Variants in DNMT3A observed in about 807,000 individuals in gnomAD.
The protein encoded by DNMT3A is DNA (cytosine-5)-methyltransferase 3A.
A neutral mutation model predicts 117.6 loss-of-function variants in DNMT3A; 267 were observed. The ratio of observed to expected loss-of-function variants is 2.27; its 90% CI spans 2.05 to 2.51. The LOEUF (loss-of-function observed/expected upper bound fraction) is 2.51, where lower values mean the gene tolerates loss of function less well. Among genes scored for constraint, DNMT3A ranks in the 30% most tolerant of loss-of-function variants. The probability of loss-of-function intolerance (pLI) is 0.00; values close to 1 mark genes in which losing one functional copy is unlikely to be tolerated. For missense variants in DNMT3A, 1,029 were observed against 1,260.2 expected (o/e 0.82, Z 2.78); for synonymous variants, 432 against 474.8 (o/e 0.91, Z 1.17).
rs1175186554 is a variant in DNMT3A at position 25,264,132 on chromosome 2, G to GTTTTTTTTT, written c.639+10800_639+10808dup. Among the ~76,000 whole-genome samples, 167 of 73,746 alleles carry GTTTTTTTTT rather than the reference G, an allele frequency of 2.3e-3. 15 individuals carry two copies. The highest frequency in any genetic ancestry group is 5.9e-3 in the African/African-American group (106 of 18,118). 48.4% of individuals were successfully genotyped at this position (73,746 alleles called of 152,430 possible). Reference sequence around the variant, plus strand: ...TCAGTAAAGGCTGGACAACCCTTTGGTTTTTTTTTTTTTTTTTTTTTTTTT... The same window carrying GTTTTTTTTT: ...TCAGTAAAGGCTGGACAACCCTTTGGTTTTTTTTTTTTTTTTTTTTTTTTTTTTTTTTTT... On this transcript the variant is annotated intron_variant, in intron 6 of 22. Coordinates refer to ENST00000321117, the MANE Select transcript of DNMT3A (RefSeq NM_022552.5).
rs72810046 is a variant in DNMT3A, at chr2:25,239,458, C to G, written c.2323-243G>C. ...AACTTCTGCGATGGTGGGTTGTCCT[C>G]TACACTGTTCAATTCAGTGGCCACT... On this transcript the variant is annotated intron_variant, in intron 19 of 22. Coordinates refer to ENST00000321117, the MANE Select transcript of DNMT3A (RefSeq NM_022552.5). 0.11 allele frequency: 71,051 copies of G among 620,404 alleles called. 4,814 individuals are homozygous for G. The highest frequency in any genetic ancestry group is 0.16 in the African/African-American group (8,803 of 55,610). The allele number at this position is 620,404 out of a possible 1,614,324, so 38.4% of individuals were successfully genotyped here. A position where few individuals can be genotyped will look rare whatever the true frequency, so the allele number is the denominator to read the frequency against.
intron 16 of DNMT3A, 90 bp downstream of exon 16, chr2:25,243,808 C>T: frequency 7.4e-7 from 1 of 1,342,716 alleles, no homozygotes; most frequent in Non-Finnish European, 1.0e-6. Flanking sequence ...TGAAGCTAAC[C>T]ATCATTTCGT....
chr2:25,258,270 C>T (rs955146215), intron 6 of DNMT3A, among the ~76,000 whole-genome samples: 11 of 152,246 alleles, frequency 7.2e-5, no homozygotes, highest in Non-Finnish European at 1.5e-5. Flanking sequence ...TATGCCATCA[C>T]CCCAAACCTC....
At chr2:25,245,180 C>T (rs1403712452) in intron 13 of DNMT3A, 73 bp downstream of exon 13, 30 of 1,421,464 alleles carry the variant, frequency 2.1e-5, no homozygotes, top group Non-Finnish European at 2.9e-5. Context: ...TGCCCAGAAG[C>T]GGTGGACACA....
At chr2:25,328,692 T>G (rs2034887661) in intron 1 of DNMT3A, 1 of 521,216 alleles carries the variant, frequency 1.9e-6, no homozygotes. Context: ...AGCACAGTGC[T>G]GCGGTGCCTA....
At chr2:25,258,083 T>C (rs1465314883) in intron 6 of DNMT3A, among the ~76,000 whole-genome samples, 1 of 152,214 alleles carries the variant, frequency 6.6e-6, no homozygotes, top group Non-Finnish European at 1.5e-5. Flanking sequence ...GACTGTGATT[T>C]CAAACCAAAG....
intron 7 of DNMT3A, 21 bp downstream of exon 7, chr2:25,248,016 G>A (rs2149309840): frequency 6.2e-7 from 1 of 1,611,582 alleles, no homozygotes; most frequent in Non-Finnish European, 8.5e-7. Flanking sequence ...GCTGGCCACG[G>A]CTGGTGAAGA....
rs947290765 is a variant in DNMT3A at position 25,304,308 on chromosome 2, T to C, written c.73-4065A>G. Among the ~76,000 whole-genome samples the C allele has an allele frequency of 6.6e-6, 1 of 152,192 alleles. No homozygotes were observed. Among genetic ancestry groups the C allele is most frequent in the African/African-American group, 2.4e-5 (1 of 41,438 alleles). On this transcript the variant is annotated intron_variant, in intron 2 of 22. Coordinates refer to ENST00000321117, the MANE Select transcript of DNMT3A (RefSeq NM_022552.5). The surrounding 1 kb of genome is among the most constrained non-coding windows in gnomAD (Gnocchi z 4.3). ...TCCTCATCTATAAAATGGGATGATA[T>C]CTACTTCACAGTGATGTTATAAGAA...
Position 25,247,579 on chromosome 2 carries a change from C to CGGTT in DNMT3A, c.1014+11_1014+12insAACC. On this transcript the variant is annotated intron_variant, in intron 8 of 22. Coordinates refer to ENST00000321117, the MANE Select transcript of DNMT3A (RefSeq NM_022552.5). This position sits in a 1 kb window ranked among gnomAD's most constrained non-coding sequence, Gnocchi z 5.6. ...CCCCCACCCCAGGCTACTGCCAAAC[C>CGGTT]CCACAACTTACCACTGAGAATTTGC... is the stretch of plus-strand genomic sequence containing the variant. The CGGTT allele has an allele frequency of 6.2e-7, 1 of 1,613,502 alleles. No homozygotes were observed. The highest frequency in any genetic ancestry group is 8.5e-7 in the Non-Finnish European group (1 of 1,179,640).
intron 3 of DNMT3A, among the ~76,000 whole-genome samples, chr2:25,290,467 G>A (rs190334730): frequency 5.3e-5 from 8 of 151,952 alleles, no homozygotes; most frequent in African/African-American, 9.7e-5. Flanking sequence ...GATTACAGGC[G>A]TGTGCCACCA....
At chr2:25,303,971 T>C (rs11693467) in intron 2 of DNMT3A, among the ~76,000 whole-genome samples, 2,791 of 152,340 alleles carry the variant, frequency 0.018, 30 homozygotes, top group Middle Eastern at 0.037. Flanking sequence ...ATGTAAAACA[T>C]GCTTATCAAA....
Position 25,248,211 on chromosome 2 carries a change from C to T in DNMT3A, c.681G>A (p.Val227=). ...ACTCCCCGGGCCCCTGGTTTTCTTC[C>T]ACAGCATTCATTCCTGCAATGACCT... The part of the protein sequence containing the change: ...KAKVIAGMNA[V]EENQGPGESQ... Residue 227 remains valine, a synonymous_variant, in exon 7 of 23, where the codon GTG becomes GTA. Transcript: ENST00000321117. 6.2e-7 allele frequency: 1 copy of T among 1,612,990 alleles called. No individual in the cohort carries two copies. The highest frequency in any genetic ancestry group is 8.5e-7 in the Non-Finnish European group (1 of 1,179,722).
Position 25,235,783 on chromosome 2 carries a change from TTA to T in DNMT3A, c.2519_2520del (p.Ile840LysfsTer14). 1 of 1,614,180 alleles carries T rather than the reference TTA, an allele frequency of 6.2e-7. No homozygotes were observed. The highest frequency in any genetic ancestry group is 8.5e-7 in the Non-Finnish European group (1 of 1,180,028). On this transcript the variant is annotated frameshift_variant, in exon 22 of 23. Transcript: ENST00000321117. LOFTEE classifies it high-confidence loss of function. Reference protein sequence around the residue: ...VRTITTRSNSIKQGKDQHFPV... With the variant: ...VRTITTRSNSXKQGKDQHFPV... ...GGAAAATGCTGGTCTTTGCCCTGCT[TTA>T]TGGAGTTTGACCTCGTAGTAATGGT...
At chr2:25,315,863 A>T (rs1400977961) in intron 1 of DNMT3A, among the ~76,000 whole-genome samples, 1 of 152,244 alleles carries the variant, frequency 6.6e-6, no homozygotes, top group Non-Finnish European at 1.5e-5. Flanking sequence ...TTGTTACCAC[A>T]GACATCTCCA....
chr2:25,333,935 G>A (rs1434611217), intron 1 of DNMT3A, among the ~76,000 whole-genome samples: 1 of 152,196 alleles, frequency 6.6e-6, no homozygotes, highest in Non-Finnish European at 1.5e-5. Flanking sequence ...CCTCCAGGTC[G>A]GCCTGACTCC....
In DNMT3A at chr2:25,252,488, G is replaced by A. The variant is rs1675702228; in HGVS notation, c.640-4236C>T. Among the ~76,000 whole-genome samples the A allele has an allele frequency of 6.6e-6, 1 of 152,080 alleles. No individual in the cohort carries two copies. Among genetic ancestry groups the A allele is most frequent in the Non-Finnish European group, 1.5e-5 (1 of 67,966 alleles). On this transcript the variant is annotated intron_variant, in intron 6 of 22. Coordinates refer to ENST00000321117, the MANE Select transcript of DNMT3A (RefSeq NM_022552.5). This position sits in a 1 kb window ranked among gnomAD's most constrained non-coding sequence, Gnocchi z 5.5. ...CCAGCCCCTCTTCTCCGGTCCGAGGGGCGCGGGGCCGGGGGGCGAGGCCGT... is the reference window on the plus strand; with the variant it reads ...CCAGCCCCTCTTCTCCGGTCCGAGGAGCGCGGGGCCGGGGGGCGAGGCCGT...
At position 25,298,945 on chromosome 2, in the gene DNMT3A, C is replaced by G. The variant is rs983944461; in HGVS notation, c.177+1194G>C. Among the ~76,000 whole-genome samples the G allele has an allele frequency of 4.0e-5, 6 of 151,416 alleles. No individual in the cohort carries two copies. Among genetic ancestry groups the G allele is most frequent in the South Asian group, 4.2e-4 (2 of 4,730 alleles). On this transcript the variant is annotated intron_variant, in intron 3 of 22. Transcript: ENST00000321117. The surrounding 1 kb of genome is among the most constrained non-coding windows in gnomAD (Gnocchi z 4.3). ...ACCTCCAGGAACTCACCACCCCCCC[C>G]GCCTCTACTGTCCCATTTCACTTCA...
intron 19 of DNMT3A, 115 bp downstream of exon 19, chr2:25,240,187 T>C (rs1173235380): frequency 6.7e-7 from 1 of 1,490,290 alleles, no homozygotes; most frequent in Admixed American, 2.0e-5. Flanking sequence ...AACAGGCCCC[T>C]TGCAAAGCAG....
At position 25,304,746 on chromosome 2, in the gene DNMT3A, A is replaced by T. The variant is rs1232113528; in HGVS notation, c.73-4503T>A. Among the ~76,000 whole-genome samples, 1 of 152,242 alleles carries T rather than the reference A, an allele frequency of 6.6e-6. No individual in the cohort carries two copies. The highest frequency in any genetic ancestry group is 2.4e-5 in the African/African-American group (1 of 41,462). On this transcript the variant is annotated intron_variant, in intron 2 of 22. Coordinates refer to ENST00000321117, the MANE Select transcript of DNMT3A (RefSeq NM_022552.5). This position sits in a 1 kb window ranked among gnomAD's most constrained non-coding sequence, Gnocchi z 4.3. ...CTCTTCTCCACACTGTGGTCCCAAC[A>T]GACAGCACCAAGCGCGAAAGCAAAC...
Sources: allele counts gnomAD v4.1 joint callset (sites outside exome capture counted in the v4.1 genomes callset), GRCh38; gene constraint gnomAD v4.1.1; non-coding constraint Gnocchi (gnomAD v3.1); transcripts MANE v1.5; gene names NCBI Gene and HGNC (gene_info 2026-07-23, HGNC 2026-07-21).